AVEN: variants seen among roughly 807,000 people sequenced by gnomAD.
AVEN encodes the protein apoptosis and caspase activation inhibitor.
A neutral mutation model predicts 38.1 loss-of-function variants in AVEN; 41 were observed. That is an observed-to-expected ratio of 1.08 (90% CI 0.84 to 1.40). The LOEUF (loss-of-function observed/expected upper bound fraction) is 1.40. Ranked by LOEUF, AVEN falls within the 40% of genes most tolerant of loss-of-function variation. The probability of loss-of-function intolerance (pLI) is 0.00; values close to 1 mark genes in which losing one functional copy is unlikely to be tolerated. For synonymous variants in AVEN, 206 were observed against 171.8 expected, an observed-to-expected ratio of 1.20 and a Z score of -1.56; for missense variants, 605 against 438.8, an observed-to-expected ratio of 1.38 and a Z score of -3.38.
intron 1 of AVEN, among the ~76,000 whole-genome samples, chr15:34,015,459 G>T (rs1028737707): frequency 2.0e-5 from 3 of 151,904 alleles, no homozygotes; most frequent in Non-Finnish European, 4.4e-5. Context: ...TCCAGCCTGG[G>T]TGACAGAGCG....
intron 2 of AVEN, among the ~76,000 whole-genome samples, chr15:33,898,143 C>T (rs1422644227): frequency 4.0e-5 from 6 of 150,934 alleles, no homozygotes; most frequent in South Asian, 2.1e-4. Flanking sequence ...GAGCCGAGAT[C>T]GCACCACTGC....
chr15:34,041,997 A>C (rs1458286917), upstream of AVEN, among the ~76,000 whole-genome samples: 1 of 152,160 alleles, frequency 6.6e-6, no homozygotes, highest in East Asian at 1.9e-4. Flanking sequence ...TTAGGATAGG[A>C]AAATTCTGAG....
rs773943038 is a variant in AVEN at position 33,867,773 on chromosome 15, G to T, written c.695C>A (p.Pro232His). The T allele has an allele frequency of 6.2e-7, 1 of 1,614,092 alleles. No individual in the cohort carries two copies. The highest frequency in any genetic ancestry group is 2.2e-5 in the East Asian group (1 of 44,866). ...GGGCCCCCTTCCTCCAGGCCCCAAGGGCCCCTTTAACTGCATCCCTAATCC... is the reference window on the plus strand; with the variant it reads ...GGGCCCCCTTCCTCCAGGCCCCAAGTGCCCCTTTAACTGCATCCCTAATCC... ...GKGLGMQLKG[P>H]LGPGGRGPIF... Residue 232 changes from proline to histidine, a missense_variant, in exon 5 of 6, where the codon CCC becomes CAC. By Grantham distance (77) the Pro-to-His change is moderately conservative (BLOSUM62 -2). Transcript: ENST00000306730.
Position 34,053,318 on chromosome 15 carries a change from A to T in AVEN, n.1637+9604T>A, listed in dbSNP as rs1373087581. ...CCATCTCAAAAAAAAAAAAAAAAAA[A>T]AATATATATATATATATATATATAT... On this transcript the variant is annotated intron_variant and non_coding_transcript_variant, in intron 5 of 11. Transcript: ENST00000675287. Among the ~76,000 whole-genome samples, 191 of 101,972 alleles carry T rather than the reference A, an allele frequency of 1.9e-3. 3 individuals are homozygous for T. The highest frequency in any genetic ancestry group is 6.7e-3 in the African/African-American group (183 of 27,510). 66.9% of individuals were successfully genotyped at this position (101,972 alleles called of 152,430 possible).
intron 2 of AVEN, among the ~76,000 whole-genome samples, chr15:33,971,708 T>G (rs939510190): frequency 5.3e-5 from 8 of 152,126 alleles, no homozygotes; most frequent in Admixed American, 1.3e-4. Context: ...TAAGTTTTCA[T>G]AAGGAATTTT....
chr15:33,853,758 C>T, the AVEN span: 3 of 1,539,724 alleles, frequency 1.9e-6, no homozygotes, highest in African/African-American at 2.7e-5. Flanking sequence ...GAAAAAATCA[C>T]AACCGTGTCT....
At chr15:34,010,646 T>C (rs984624380) in intron 1 of AVEN, among the ~76,000 whole-genome samples, 2 of 152,130 alleles carry the variant, frequency 1.3e-5, no homozygotes, top group Non-Finnish European at 2.9e-5. Context: ...TAGAGGTGAA[T>C]AGGTAGAATA....
downstream of AVEN, chr15:33,865,454 G>A (rs1890190951): frequency 6.2e-6 from 3 of 485,162 alleles, no homozygotes; most frequent in East Asian, 6.5e-5. Context: ...GGAAGGCGAA[G>A]AATCAAGTAA....
intron 2 of AVEN, among the ~76,000 whole-genome samples, chr15:33,892,410 G>A (rs939508295): frequency 4.1e-4 from 63 of 152,290 alleles, no homozygotes; most frequent in African/African-American, 1.5e-3. Context: ...TGTATAAAGT[G>A]TAAGGAAGGG....
At chr15:33,993,915 C>T (rs1251394768) in intron 2 of AVEN, among the ~76,000 whole-genome samples, 1 of 152,160 alleles carries the variant, frequency 6.6e-6, no homozygotes, top group East Asian at 1.9e-4. Context: ...TCTTTTACTT[C>T]ATGCTATGTT....
In AVEN at chr15:33,928,908, T is replaced by C. The variant is rs541456646; in HGVS notation, c.446-52913A>G. ...AATTTCTTCCTCCCCTTCCCTGATATGGTATTAAATAATACTGTGGAATAC... is the reference window on the plus strand; with the variant it reads ...AATTTCTTCCTCCCCTTCCCTGATACGGTATTAAATAATACTGTGGAATAC... On this transcript the variant is annotated intron_variant, in intron 2 of 5. Coordinates refer to ENST00000306730, the MANE Select transcript of AVEN (RefSeq NM_020371.3). Among the ~76,000 whole-genome samples, 100 of 152,294 alleles carry C rather than the reference T, an allele frequency of 6.6e-4. 1 individual carries two copies. The highest frequency in any genetic ancestry group is 1.1e-3 in the Non-Finnish European group (76 of 68,034).
chr15:33,852,594 T>G, the AVEN span: 2 of 157,420 alleles, frequency 1.3e-5, no homozygotes, highest in African/African-American at 4.8e-5. Flanking sequence ...AGTTAGGGAC[T>G]TTATCTACAC....
chr15:33,945,300 A>T (rs1414530210), intron 2 of AVEN, among the ~76,000 whole-genome samples: 1 of 152,174 alleles, frequency 6.6e-6, no homozygotes, highest in African/African-American at 2.4e-5. Flanking sequence ...ATCTGGTAAA[A>T]TGGGCATTAT....
chr15:34,035,904 G>A (rs182413443), intron 1 of AVEN, among the ~76,000 whole-genome samples: 64 of 152,136 alleles, frequency 4.2e-4, no homozygotes, highest in Middle Eastern at 3.4e-3. Context: ...AAAACAATCC[G>A]GCTGCTTCAG....
At chr15:34,023,372 G>A (rs770789267) in intron 1 of AVEN, among the ~76,000 whole-genome samples, 116 of 152,226 alleles carry the variant, frequency 7.6e-4, no homozygotes, top group Middle Eastern at 3.4e-3. Flanking sequence ...CATCTTGGCC[G>A]AGTCCTCCCT....
At chr15:34,062,652 A>G (rs562601294) in intron 5 of AVEN, 18 of 1,482,728 alleles carry the variant, frequency 1.2e-5, no homozygotes, top group Non-Finnish European at 1.6e-5. Flanking sequence ...GATGCTGGCC[A>G]AGAAGAGCTG....
intron 1 of AVEN, among the ~76,000 whole-genome samples, chr15:34,072,339 G>A (rs974747204): frequency 6.6e-6 from 1 of 150,770 alleles, no homozygotes; most frequent in Admixed American, 6.6e-5. Flanking sequence ...TGGGCCGGGC[G>A]CAGTGGCTCA....
chr15:34,003,229 A>C lies in AVEN; in HGVS notation c.268-20T>G. 1 of 1,611,228 alleles carries C rather than the reference A, an allele frequency of 6.2e-7. No individual in the cohort carries two copies. The highest frequency in any genetic ancestry group is 8.5e-7 in the Non-Finnish European group (1 of 1,178,992). On this transcript the variant is annotated intron_variant, in intron 1 of 5. Coordinates refer to ENST00000306730, the MANE Select transcript of AVEN (RefSeq NM_020371.3). ...TTCAACCTGCAATCATTAGAGACAA[A>C]TCAATAAGTAAGCAGTGGAAATCCT... is the stretch of plus-strand genomic sequence containing the variant.
intron 1 of AVEN, among the ~76,000 whole-genome samples, chr15:34,024,361 C>T (rs1181806986): frequency 6.6e-6 from 1 of 151,638 alleles, no homozygotes; most frequent in Non-Finnish European, 1.5e-5. Context: ...ATGAAGAAAC[C>T]TCTGAAGGCT....
Sources: gnomAD v4.1 joint callset for allele counts (sites outside exome capture counted in the v4.1 genomes callset) on GRCh38, gnomAD v4.1.1 for gene constraint, MANE v1.5 for transcripts, NCBI Gene and HGNC (gene_info 2026-07-23, HGNC 2026-07-21) for gene names.